Variants in LTBP1 observed in about 807,000 individuals in gnomAD.
The protein encoded by LTBP1 is latent transforming growth factor beta binding protein 1, also known as latent-transforming growth factor beta-binding protein 1.
Under a neutral mutation model 207.6 loss-of-function variants are expected in LTBP1, and 129 were observed. The ratio of observed to expected loss-of-function variants is 0.62; its 90% CI spans 0.54 to 0.72. LTBP1 has a LOEUF of 0.72. LTBP1 is among the 30% of genes least tolerant of loss of function. The probability of loss-of-function intolerance (pLI) is 0.00; values close to 1 mark genes in which losing one functional copy is unlikely to be tolerated. For missense variants in LTBP1, 2,281 were observed against 2,217.2 expected (o/e 1.03, Z -0.58); for synonymous variants, 963 against 833.7 (o/e 1.16, Z -2.67).
Position 33,134,340 on chromosome 2 carries a change from G to C in LTBP1, c.1034-453G>C, listed in dbSNP as rs10495782. On this transcript the variant is annotated intron_variant, in intron 4 of 33. Transcript: ENST00000404816. This position sits in a 1 kb window ranked among gnomAD's most constrained non-coding sequence, Gnocchi z 4.4. ...CGGGCTGCAAATAGTGACTTAATAA[G>C]TGGAGAAACAGGGAAAGTATGCAAG... 9.8e-4 allele frequency: 444 copies of C among 451,168 alleles called. No individual in the cohort carries two copies. Among genetic ancestry groups the C allele is most frequent in the African/African-American group, 8.3e-3 (413 of 49,774 alleles). The allele number at this position is 451,168 out of a possible 1,614,324, so 27.9% of individuals were successfully genotyped here. A position where few individuals can be genotyped will look rare whatever the true frequency, so the allele number is the denominator to read the frequency against.
chr2:33,389,634 T>C (rs182105625), intron 32 of LTBP1, among the ~76,000 whole-genome samples: 62 of 152,216 alleles, frequency 4.1e-4, no homozygotes, highest in African/African-American at 1.4e-3. Flanking sequence ...GGGATACTGT[T>C]ATATTTACTT....
chr2:33,009,701 A>T (rs1687405214), intron 2 of LTBP1, among the ~76,000 whole-genome samples: 1 of 152,196 alleles, frequency 6.6e-6, no homozygotes, highest in Admixed American at 6.5e-5. Flanking sequence ...TCATTTTGTG[A>T]TACTTCGTTA....
intron 3 of LTBP1, chr2:33,056,345 G>T: frequency 8.1e-7 from 1 of 1,236,794 alleles, no homozygotes; most frequent in Non-Finnish European, 1.1e-6. Flanking sequence ...ATTTGCTTTT[G>T]GCTTTGTGGC....
chr2:33,143,739 G>A (rs1008723025), intron 5 of LTBP1, among the ~76,000 whole-genome samples: 1 of 151,270 alleles, frequency 6.6e-6, no homozygotes, highest in African/African-American at 2.4e-5. Flanking sequence ...TTTTACGGAA[G>A]AACCTTAAGT....
chr2:33,009,158 G>C (rs576764917), intron 2 of LTBP1, among the ~76,000 whole-genome samples: 1 of 152,208 alleles, frequency 6.6e-6, no homozygotes, highest in African/African-American at 2.4e-5. Flanking sequence ...GACTGCAGGG[G>C]ATAAGGTGGC....
At chr2:33,376,672 T>C (rs951520010) in intron 31 of LTBP1, among the ~76,000 whole-genome samples, 2 of 152,056 alleles carry the variant, frequency 1.3e-5, no homozygotes, top group Non-Finnish European at 2.9e-5. Flanking sequence ...ACAGAAAAAA[T>C]AAATAGGACC....
At chr2:33,264,544 G>A (rs139269443) in intron 15 of LTBP1, among the ~76,000 whole-genome samples, 44 of 151,864 alleles carry the variant, frequency 2.9e-4, no homozygotes, top group African/African-American at 1.0e-3. Context: ...TAAATCAATA[G>A]GAAAAATACT....
intron 2 of LTBP1, among the ~76,000 whole-genome samples, chr2:33,018,755 G>A (rs1425786567): frequency 6.6e-6 from 1 of 152,136 alleles, no homozygotes; most frequent in Non-Finnish European, 1.5e-5. Context: ...TCATATTGTG[G>A]AGACCATTTT....
chr2:33,253,466 C>T (rs1284870458), intron 11 of LTBP1, among the ~76,000 whole-genome samples: 1 of 152,032 alleles, frequency 6.6e-6, no homozygotes, highest in Non-Finnish European at 1.5e-5. Flanking sequence ...ATACCTTCTA[C>T]CAATGAACCA....
chr2:33,380,343 A>G (rs1558327900), intron 31 of LTBP1, among the ~76,000 whole-genome samples: 1 of 151,860 alleles, frequency 6.6e-6, no homozygotes, highest in East Asian at 1.9e-4. Context: ...TTGGGAGGTC[A>G]AAGCGGGTGG....
intron 5 of LTBP1, among the ~76,000 whole-genome samples, chr2:33,148,760 TTGTC>T (rs1273198192): frequency 1.3e-5 from 2 of 152,278 alleles, no homozygotes; most frequent in East Asian, 1.9e-4. Context: ...GAAAAACTGT[TTGTC>T]TGTCAAATAG....
At chr2:32,948,403 C>A (rs1429156964) in intron 1 of LTBP1, among the ~76,000 whole-genome samples, 1 of 152,046 alleles carries the variant, frequency 6.6e-6, no homozygotes. Context: ...TAGTGCCTTC[C>A]CGTTGTGGGA....
At chr2:33,046,799 T>G (rs1227057694) in intron 3 of LTBP1, among the ~76,000 whole-genome samples, 1 of 152,216 alleles carries the variant, frequency 6.6e-6, no homozygotes, top group African/African-American at 2.4e-5. Context: ...AACTTGTTAT[T>G]GGTCTATTCA....
intron 5 of LTBP1, 57 bp downstream of exon 5, chr2:33,135,017 A>C (rs1192947193): frequency 2.9e-5 from 43 of 1,499,096 alleles, no homozygotes; most frequent in Non-Finnish European, 3.8e-5. Flanking sequence ...ATGAGATTGT[A>C]GCATTTAGAC....
intron 3 of LTBP1, among the ~76,000 whole-genome samples, chr2:33,055,013 T>C (rs2076921301): frequency 6.6e-6 from 1 of 152,188 alleles, no homozygotes; most frequent in African/African-American, 2.4e-5. Context: ...CACCAGATGA[T>C]TGGCCTGCTC....
chr2:33,186,528 G>T (rs1328489438), intron 5 of LTBP1, among the ~76,000 whole-genome samples: 1 of 152,130 alleles, frequency 6.6e-6, no homozygotes, highest in East Asian at 1.9e-4. Context: ...ATTGCAAATG[G>T]TACTTAAAAT....
chr2:33,014,828 A>G (rs1338740351), intron 2 of LTBP1, among the ~76,000 whole-genome samples: 1 of 152,158 alleles, frequency 6.6e-6, no homozygotes, highest in Non-Finnish European at 1.5e-5. Flanking sequence ...GAATTAACTC[A>G]ATTTTGACTG....
chr2:33,353,596 AT>A (rs1435235048), intron 26 of LTBP1, among the ~76,000 whole-genome samples: 1 of 152,202 alleles, frequency 6.6e-6, no homozygotes, highest in Non-Finnish European at 1.5e-5. Context: ...CTTCTACAGA[AT>A]AAAAATAATT....
intron 22 of LTBP1, among the ~76,000 whole-genome samples, chr2:33,305,267 C>T (rs1419540698): frequency 6.6e-6 from 1 of 152,014 alleles, no homozygotes; most frequent in Non-Finnish European, 1.5e-5. Context: ...GAGGTTGCAA[C>T]GAGCCAAGAT....
Sources: gnomAD v4.1 joint callset for allele counts (sites outside exome capture counted in the v4.1 genomes callset) on GRCh38, gnomAD v4.1.1 for gene constraint, Gnocchi (gnomAD v3.1) non-coding constraint, MANE v1.5 for transcripts, NCBI Gene and HGNC (gene_info 2026-07-23, HGNC 2026-07-21) for gene names.